CTNNA2: variants seen among roughly 807,000 people sequenced by gnomAD.
CTNNA2 encodes the protein catenin alpha 2.
CTNNA2 carries 42 observed loss-of-function variants against 101.0 expected under a neutral mutation model. That is an observed-to-expected ratio of 0.42 (90% CI 0.32 to 0.54). CTNNA2 has a LOEUF of 0.54. CTNNA2 is among the 20% of genes least tolerant of loss of function. The probability of loss-of-function intolerance (pLI) is 0.14; values close to 1 mark genes in which losing one functional copy is unlikely to be tolerated. For synonymous variants in CTNNA2, 450 were observed against 456.4 expected (o/e 0.99, Z 0.18); for missense variants, 871 against 1,223.1 (o/e 0.71, Z 4.29).
At chr2:79,405,178 C>T (rs1389313120) in intron 4 of CTNNA2, among the ~76,000 whole-genome samples, 1 of 152,032 alleles carries the variant, frequency 6.6e-6, no homozygotes, top group Non-Finnish European at 1.5e-5. Flanking sequence ...AAAGACTCAG[C>T]TGCAGAGACT....
chr2:79,259,578 C>T (rs372994734), intron 2 of CTNNA2, among the ~76,000 whole-genome samples: 92 of 152,242 alleles, frequency 6.0e-4, no homozygotes, highest in African/African-American at 1.8e-3. Context: ...TTGCCAGGAA[C>T]GCCCAGGATC....
intron 7 of CTNNA2, among the ~76,000 whole-genome samples, chr2:80,173,382 A>G (rs1705192305): frequency 6.6e-6 from 1 of 152,252 alleles, no homozygotes; most frequent in African/African-American, 2.4e-5. Context: ...ATATTTAAAA[A>G]TGGAAAGCAT....
At chr2:80,478,143 A>G (rs1256033502) in intron 9 of CTNNA2, among the ~76,000 whole-genome samples, 3 of 152,122 alleles carry the variant, frequency 2.0e-5, no homozygotes, top group Non-Finnish European at 4.4e-5. Context: ...CCAGATGATT[A>G]GTGACATTGA....
chr2:80,627,781 C>A (rs573750277), intron 18 of CTNNA2, among the ~76,000 whole-genome samples: 9 of 152,184 alleles, frequency 5.9e-5, no homozygotes, highest in Admixed American at 5.2e-4. Context: ...AAGTCTTTGT[C>A]CATGCCTGTG....
chr2:79,994,010 A>G (rs1327521324), intron 7 of CTNNA2, among the ~76,000 whole-genome samples: 2 of 151,696 alleles, frequency 1.3e-5, no homozygotes, highest in South Asian at 4.2e-4. Flanking sequence ...CTGAAACGAT[A>G]CTCCCGCCTT....
At chr2:79,670,089 G>T (rs559577688) in intron 2 of CTNNA2, among the ~76,000 whole-genome samples, 9 of 152,318 alleles carry the variant, frequency 5.9e-5, no homozygotes, top group Admixed American at 2.0e-4. Flanking sequence ...CCCCGAGGGT[G>T]CAGGCTGCAG....
At chr2:79,694,359 G>A (rs1015994845) in intron 2 of CTNNA2, among the ~76,000 whole-genome samples, 2 of 151,800 alleles carry the variant, frequency 1.3e-5, no homozygotes, top group Non-Finnish European at 2.9e-5. Context: ...ACATTGTTTG[G>A]GCATCATCGT....
intron 1 of CTNNA2, among the ~76,000 whole-genome samples, chr2:79,564,239 A>G (rs1480601150): frequency 6.6e-6 from 1 of 151,114 alleles, no homozygotes; most frequent in Non-Finnish European, 1.5e-5. Context: ...TTTTTAAAAT[A>G]TATTATTTTA....
intron 9 of CTNNA2, among the ~76,000 whole-genome samples, chr2:80,541,088 G>A (rs1378171222): frequency 6.6e-6 from 1 of 152,176 alleles, no homozygotes; most frequent in Non-Finnish European, 1.5e-5. Flanking sequence ...CAAGTTGATA[G>A]TCACCACTGG....
chr2:79,843,105 C>T (rs1302433155), intron 3 of CTNNA2, among the ~76,000 whole-genome samples: 1 of 152,132 alleles, frequency 6.6e-6, no homozygotes, highest in African/African-American at 2.4e-5. Flanking sequence ...GCAAAAGAAG[C>T]CTTAAGGCTA....
In CTNNA2 at chr2:79,529,563, A is replaced by G. The variant is rs1401540798; in HGVS notation, c.-6+16356A>G. 3.9e-5 allele frequency among the ~76,000 whole-genome samples: 6 copies of G among 152,194 alleles called. No homozygotes were observed. The East Asian group carries it at 5.8e-4, about 15-fold the overall frequency. On this transcript the variant is annotated intron_variant, in intron 1 of 18. Transcript: ENST00000402739. The stretch of plus-strand genomic sequence containing the variant: ...TAAGGTTGCATAAAGCATTTTAAGT[A>G]TGGGATCTGCATCTCAGGAATACCA...
intron 9 of CTNNA2, among the ~76,000 whole-genome samples, chr2:80,500,077 A>G (rs1687762036): frequency 6.6e-6 from 1 of 152,214 alleles, no homozygotes; most frequent in Non-Finnish European, 1.5e-5. Flanking sequence ...AGAATGGAAT[A>G]TGATTAAACC....
intron 4 of CTNNA2, among the ~76,000 whole-genome samples, chr2:79,460,288 A>G (rs746880370): frequency 2.5e-4 from 38 of 152,148 alleles, no homozygotes; most frequent in Non-Finnish European, 4.1e-4. Flanking sequence ...GTCTAACTAT[A>G]TGTGCTTTAA....
intron 7 of CTNNA2, among the ~76,000 whole-genome samples, chr2:80,238,008 T>G (rs1359356775): frequency 6.6e-6 from 1 of 152,046 alleles, no homozygotes; most frequent in African/African-American, 2.4e-5. Context: ...CCCTGACGTG[T>G]CTCTTAAAGC....
chr2:80,260,676 C>T (rs888674527), intron 7 of CTNNA2, among the ~76,000 whole-genome samples: 4 of 152,112 alleles, frequency 2.6e-5, no homozygotes, highest in Non-Finnish European at 5.9e-5. Context: ...ACTGAGAAAT[C>T]GTCAAGTTCT....
chr2:79,251,801 A>G (rs1674775053), intron 2 of CTNNA2, among the ~76,000 whole-genome samples: 1 of 152,224 alleles, frequency 6.6e-6, no homozygotes, highest in African/African-American at 2.4e-5. Flanking sequence ...ACACTGAGCC[A>G]GTGGACCCAC....
At chr2:80,074,853 T>C (rs1698573508) in intron 7 of CTNNA2, among the ~76,000 whole-genome samples, 1 of 152,186 alleles carries the variant, frequency 6.6e-6, no homozygotes, top group African/African-American at 2.4e-5. Context: ...CTTACAAATA[T>C]CTTAGTGACT....
intron 2 of CTNNA2, among the ~76,000 whole-genome samples, chr2:79,272,137 T>A (rs116638826): frequency 0.011 from 1,607 of 152,164 alleles, 19 homozygotes; most frequent in African/African-American, 0.035. Context: ...ATACCCCTTT[T>A]ATAAAGTTGG....
intron 7 of CTNNA2, among the ~76,000 whole-genome samples, chr2:80,226,956 A>G (rs1372542086): frequency 1.3e-5 from 2 of 152,104 alleles, no homozygotes; most frequent in Non-Finnish European, 2.9e-5. Context: ...CCTCCTGCTT[A>G]TAGAAGCATG....
Sources: gnomAD v4.1 joint callset for allele counts (sites outside exome capture counted in the v4.1 genomes callset) on GRCh38, gnomAD v4.1.1 for gene constraint, MANE v1.5 for transcripts, NCBI Gene and HGNC (gene_info 2026-07-23, HGNC 2026-07-21) for gene names.